The following RFTN2 variants were observed in gnomAD, a reference collection of about 807,000 sequenced individuals.
RFTN2 encodes raftlin family member 2.
In RFTN2, 34 loss-of-function variants were observed where a neutral mutation model predicts 52.7. That is an observed-to-expected ratio of 0.64 (90% confidence interval 0.49 to 0.86). The LOEUF (loss-of-function observed/expected upper bound fraction) is 0.86, where lower values mean the gene tolerates loss of function less well. RFTN2 is among the 40% of genes least tolerant of loss of function. The pLI is 0.00. For synonymous variants in RFTN2, 203 were observed against 217.7 expected (o/e 0.93, Z 0.59); for missense variants, 536 against 600.1 (o/e 0.89, Z 1.12).
chr2:197,624,198 C>T (rs1055175914), intron 5 of RFTN2, among the ~76,000 whole-genome samples: 1 of 152,014 alleles, frequency 6.6e-6, no homozygotes. Context: ...TAAATTTAGG[C>T]GATAAAGCAA....
intron 1 of RFTN2, among the ~76,000 whole-genome samples, chr2:197,672,718 GC>G (rs947203775): frequency 1.3e-5 from 2 of 152,180 alleles, no homozygotes; most frequent in African/African-American, 2.4e-5. Context: ...TTACAAATTT[GC>G]CACAGTTTTC....
chr2:197,633,935 T>G lies in RFTN2; in HGVS notation c.501A>C (p.Pro167=), dbSNP rs904888306. 1 of 1,613,482 alleles carries G rather than the reference T, an allele frequency of 6.2e-7. No homozygotes were observed. Among genetic ancestry groups the G allele is most frequent in the Non-Finnish European group, 8.5e-7 (1 of 1,179,486 alleles). ...FVGFISQHYS[P]SKFCNGTNHD... ...GGTTGGTTCCATTGCAGAATTTAGA[T>G]GGAGAATAATGCTGTGATATGAATC... Residue 167 remains proline (P), a synonymous_variant, in exon 4 of 9, where the codon CCA becomes CCC. Transcript: ENST00000295049.
chr2:197,612,228 G>A (rs2088072976), intron 7 of RFTN2, among the ~76,000 whole-genome samples: 1 of 152,076 alleles, frequency 6.6e-6, no homozygotes, highest in Admixed American at 6.6e-5. Flanking sequence ...ATATAAATGA[G>A]TGCATGTCTT....
intron 5 of RFTN2, among the ~76,000 whole-genome samples, chr2:197,618,211 G>C (rs553542043): frequency 6.6e-6 from 1 of 151,906 alleles, no homozygotes; most frequent in Non-Finnish European, 1.5e-5. Context: ...TCAGCTTGCC[G>C]AGTGCCTGCG....
intron 8 of RFTN2, among the ~76,000 whole-genome samples, chr2:197,582,322 C>G (rs1189281352): frequency 1.3e-5 from 2 of 152,236 alleles, no homozygotes; most frequent in Non-Finnish European, 2.9e-5. Flanking sequence ...TTGTTCCTGG[C>G]CCAGACTTCA....
chr2:197,595,609 A>G lies in RFTN2; in HGVS notation c.1233+382T>C, dbSNP rs560358786. 5.3e-5 allele frequency among the ~76,000 whole-genome samples: 8 copies of G among 152,344 alleles called. No individual in the cohort carries two copies. In the South Asian group the frequency reaches 1.4e-3, roughly 28 times the overall value. On this transcript the variant is annotated intron_variant, in intron 8 of 8. Transcript: ENST00000295049. ...TTATTTTAGTAAGGTTTGTTTTTGC[A>G]GACTCTTCAGTGTGAATTGTCTCTG...
chr2:197,629,696 A>C (rs963396711), intron 5 of RFTN2, among the ~76,000 whole-genome samples: 2 of 134,556 alleles, frequency 1.5e-5, no homozygotes, highest in Non-Finnish European at 1.7e-5. Flanking sequence ...ACACACACAC[A>C]CACATATTTA....
intron 8 of RFTN2, among the ~76,000 whole-genome samples, chr2:197,585,340 T>C (rs1232043717): frequency 4.6e-5 from 7 of 152,204 alleles, no homozygotes. Flanking sequence ...TCTCAACTAC[T>C]TGTAAATGCC....
At chr2:197,616,318 G>T (rs1162707032) in intron 6 of RFTN2, among the ~76,000 whole-genome samples, 4 of 19,946 alleles carry the variant, frequency 2.0e-4, no homozygotes, top group East Asian at 7.6e-4. Flanking sequence ...TAAAGAGAGG[G>T]TCTCATTCCT....
intron 4 of RFTN2, among the ~76,000 whole-genome samples, chr2:197,631,727 C>A (rs2088472387): frequency 6.6e-6 from 1 of 152,214 alleles, no homozygotes; most frequent in South Asian, 2.1e-4. Context: ...TCTGTTATTA[C>A]CAACTTTGTA....
At chr2:197,597,405 A>C (rs1265521434) in intron 7 of RFTN2, among the ~76,000 whole-genome samples, 4 of 152,242 alleles carry the variant, frequency 2.6e-5, no homozygotes. Context: ...AGTGTGCTGG[A>C]AAAAGCCATG....
intron 5 of RFTN2, among the ~76,000 whole-genome samples, chr2:197,625,901 C>T (rs2088352010): frequency 6.6e-6 from 1 of 151,868 alleles, no homozygotes; most frequent in Admixed American, 6.6e-5. Context: ...AAGAGATTTT[C>T]CTGTCTCAGC....
rs140375787 is a variant in RFTN2, at chr2:197,646,771, C to T, written c.140-105G>A. 6.5e-4 allele frequency: 591 copies of T among 905,474 alleles called. 3 individuals are homozygous for T. Among genetic ancestry groups the T allele is most frequent in the African/African-American group, 4.9e-3 (294 of 59,746 alleles). The allele number at this position is 905,474 out of a possible 1,614,324, so 56.1% of individuals were successfully genotyped here. ...CTAATGAATAGGAAAAGATCTTGGC[C>T]GGGTGCAATGGCACATGCGTGTAAT... On this transcript the variant is annotated intron_variant, in intron 1 of 8. Coordinates refer to ENST00000295049, the MANE Select transcript of RFTN2 (RefSeq NM_144629.3).
rs1334615841 is a variant in RFTN2, at chr2:197,569,123, G to C, written c.*2885C>G. The stretch of plus-strand genomic sequence containing the variant: ...ATAACAAGGTGGTATACAATCCAAA[G>C]GGGATGGAATTAACACTTGGTATTG... On this transcript the variant is annotated 3_prime_UTR_variant, in exon 9 of 9. Coordinates refer to ENST00000295049, the MANE Select transcript of RFTN2 (RefSeq NM_144629.3). The C allele has an allele frequency of 6.6e-6, 1 of 152,178 alleles. No homozygotes were observed. Among genetic ancestry groups the C allele is most frequent in the Non-Finnish European group, 1.5e-5 (1 of 68,040 alleles). The allele number at this position is 152,178 out of a possible 1,614,324, so 9.4% of individuals were successfully genotyped here.
intron 8 of RFTN2, among the ~76,000 whole-genome samples, chr2:197,583,249 T>C (rs1368091248): frequency 6.6e-6 from 1 of 152,182 alleles, no homozygotes; most frequent in Non-Finnish European, 1.5e-5. Context: ...GATTAGCCCA[T>C]GTCCAGGACT....
intron 3 of RFTN2, among the ~76,000 whole-genome samples, chr2:197,643,936 T>C (rs2088710362): frequency 1.3e-5 from 2 of 152,240 alleles, no homozygotes; most frequent in Admixed American, 6.5e-5. Context: ...AAACTTCTTA[T>C]ATTTGTTTAA....
At chr2:197,634,991 G>GC (rs748531273) in intron 3 of RFTN2, among the ~76,000 whole-genome samples, 93 of 150,050 alleles carry the variant, frequency 6.2e-4, no homozygotes, top group African/African-American at 2.2e-3. Flanking sequence ...GCGGTGTTTC[G>GC]TTTTTTGTTC....
At chr2:197,612,289 C>T (rs914708961) in intron 7 of RFTN2, among the ~76,000 whole-genome samples, 5 of 152,122 alleles carry the variant, frequency 3.3e-5, no homozygotes, top group Non-Finnish European at 7.4e-5. Flanking sequence ...CTCCCTTACC[C>T]TCACTTTCTC....
At chr2:197,670,533 C>T (rs1470233610) in intron 1 of RFTN2, among the ~76,000 whole-genome samples, 1 of 151,984 alleles carries the variant, frequency 6.6e-6, no homozygotes, top group Non-Finnish European at 1.5e-5. Context: ...AAAAATAAGC[C>T]AGGCATGGTG....
Sources: gnomAD v4.1 joint callset for allele counts (sites outside exome capture counted in the v4.1 genomes callset) on GRCh38, gnomAD v4.1.1 for gene constraint, MANE v1.5 for transcripts, NCBI Gene and HGNC (gene_info 2026-07-23, HGNC 2026-07-21) for gene names.